Variants in STAB2 observed in about 807,000 individuals in gnomAD.
STAB2 encodes the protein stabilin-2.
STAB2 carries 288 observed loss-of-function variants against 338.1 expected under a neutral mutation model. The ratio of observed to expected loss-of-function variants is 0.85; its 90% CI spans 0.77 to 0.94. STAB2 has a LOEUF of 0.94. Among genes scored for constraint, STAB2 ranks in the 40% least tolerant of loss-of-function variants. The pLI is 0.00. For missense variants in STAB2, 3,141 were observed against 3,210.1 expected, an observed-to-expected ratio of 0.98 and a Z score of 0.52; for synonymous variants, 1,202 against 1,193.3, an observed-to-expected ratio of 1.01 and a Z score of -0.15.
At position 103,695,793 on chromosome 12, in the gene STAB2, AAAC is replaced by A; in HGVS notation, c.3537_3539del (p.Asn1180del). ...CCGATGCCTACACAGTGTTTGCTCC[AAAC>A]AACAATGCCATCGAGAATTACATCA... On this transcript the variant is annotated inframe_deletion, in exon 33 of 69. Transcript: ENST00000388887. 6.2e-7 allele frequency: 1 copy of A among 1,614,210 alleles called. No individual in the cohort carries two copies. Among genetic ancestry groups the A allele is most frequent in the South Asian group, 1.1e-5 (1 of 91,080 alleles).
At chr12:103,591,345 C>A (rs892561576) in intron 2 of STAB2, among the ~76,000 whole-genome samples, 7 of 151,894 alleles carry the variant, frequency 4.6e-5, no homozygotes, top group Non-Finnish European at 8.8e-5. Context: ...ATTAGCCAGG[C>A]CTGGTGGCAC....
chr12:103,695,566 G>C lies in STAB2; in HGVS notation c.3392G>C (p.Arg1131Thr). The change falls in exon 32 of 69, where the codon AGA (arginine) becomes ACA (threonine). Residue 1131 changes from arginine (R) to threonine (T), a missense_variant. Transcript: ENST00000388887. Reference sequence around the variant, plus strand: ...TTTTTTCAGGTGCTGGTCCCACAAAGACGTCTAACTGGCTCCTTACCAAAC... The same window carrying C: ...TTTTTTCAGGTGCTGGTCCCACAAACACGTCTAACTGGCTCCTTACCAAAC... The part of the protein sequence containing the change: ...HIINKVLVPQ[R>T]RLTGSLPNLL... The C allele has an allele frequency of 6.2e-7, 1 of 1,614,186 alleles. No homozygotes were observed. Among genetic ancestry groups the C allele is most frequent in the Non-Finnish European group, 8.5e-7 (1 of 1,180,040 alleles).
chr12:103,605,234 A>G (rs953807444), intron 3 of STAB2, among the ~76,000 whole-genome samples: 1 of 151,974 alleles, frequency 6.6e-6, no homozygotes, highest in African/African-American at 2.4e-5. Context: ...GGTTAAGCTA[A>G]TACCATGCTT....
intron 47 of STAB2, 70 bp from the exon 48 acceptor site, chr12:103,728,779 G>A (rs1049108339): frequency 6.3e-7 from 1 of 1,590,544 alleles, no homozygotes; most frequent in Non-Finnish European, 8.6e-7. Context: ...TGGAGGACAG[G>A]AGAGCCAAAT....
intron 5 of STAB2, among the ~76,000 whole-genome samples, chr12:103,624,709 A>T (rs1428837394): frequency 6.6e-6 from 1 of 152,126 alleles, no homozygotes; most frequent in Non-Finnish European, 1.5e-5. Flanking sequence ...GGGAGGCTAA[A>T]GCTGGATCCG....
intron 1 of STAB2, among the ~76,000 whole-genome samples, chr12:103,590,326 CAG>C (rs1012732407): frequency 5.3e-5 from 8 of 152,172 alleles, no homozygotes; most frequent in African/African-American, 1.2e-4. Flanking sequence ...GTGGACAAAA[CAG>C]AGAAAGATCC....
intron 28 of STAB2, 51 bp from the exon 29 acceptor site, chr12:103,689,795 T>C: frequency 6.3e-7 from 1 of 1,591,810 alleles, no homozygotes; most frequent in Non-Finnish European, 8.6e-7. Flanking sequence ...AAGGCAGCTC[T>C]GTTTGTCCCC....
In STAB2 at chr12:103,759,113, T is replaced by A. The variant is rs1410353140; in HGVS notation, c.7108-20T>A. On this transcript the variant is annotated intron_variant, in intron 64 of 68. Transcript: ENST00000388887. ...TGCTTGGCCTTTGAAGAGCATTCTGTGTTTCTCCTTTTTTCTCAGACCTTG... is the reference window on the plus strand; with the variant it reads ...TGCTTGGCCTTTGAAGAGCATTCTGAGTTTCTCCTTTTTTCTCAGACCTTG... 1.2e-6 allele frequency: 2 copies of A among 1,614,056 alleles called. No homozygotes were observed. The highest frequency in any genetic ancestry group is 2.7e-5 in the African/African-American group (2 of 74,930).
Position 103,675,815 on chromosome 12 carries a change from GGA to G in STAB2, c.2553-111_2553-110del, listed in dbSNP as rs1876289717. 3 of 750,538 alleles carry G rather than the reference GGA, an allele frequency of 4.0e-6. No homozygotes were observed. In the South Asian group the frequency reaches 5.7e-5, roughly 14 times the overall value. 46.5% of individuals were successfully genotyped at this position (750,538 alleles called of 1,614,324 possible). ...CATTTGAGCGCTGGCTTCCTCCACA[GGA>G]GCAAAGGATGGAGCCATTTGGCCAG... On this transcript the variant is annotated intron_variant, in intron 23 of 68. Coordinates refer to ENST00000388887, the MANE Select transcript of STAB2 (RefSeq NM_017564.10).
intron 12 of STAB2, 91 bp downstream of exon 12, chr12:103,652,796 G>A: frequency 7.2e-7 from 1 of 1,382,434 alleles, no homozygotes; most frequent in South Asian, 1.9e-5. Flanking sequence ...TGGGGTTTGT[G>A]AAAAATTACA....
chr12:103,737,828 A>G, intron 53 of STAB2, 48 bp downstream of exon 53: 1 of 1,609,508 alleles, frequency 6.2e-7, no homozygotes, highest in Non-Finnish European at 8.5e-7. Flanking sequence ...AAGCCAAAGA[A>G]TGGCCCTCAT....
rs772496668 is a variant in STAB2 at position 103,695,818 on chromosome 12, A to T, written c.3556A>T (p.Ile1186Phe). The stretch of plus-strand genomic sequence containing the variant: ...AAACAACAATGCCATCGAGAATTAC[A>T]TCAGGGAGAAGAAAGTCTTGTCTCT... ...APNNNAIENY[I>F]REKKVLSLEE... Residue 1186 changes from isoleucine (I) to phenylalanine (F), a missense_variant, in exon 33 of 69, where the codon ATC (isoleucine) becomes TTC (phenylalanine). Transcript: ENST00000388887. 34 of 1,614,096 alleles carry T rather than the reference A, an allele frequency of 2.1e-5. No homozygotes were observed. The highest frequency in any genetic ancestry group is 2.7e-5 in the Non-Finnish European group (32 of 1,180,022).
intron 3 of STAB2, among the ~76,000 whole-genome samples, chr12:103,600,847 G>GTGAA (rs1338364572): frequency 1.6e-3 from 122 of 74,848 alleles, no homozygotes; most frequent in African/African-American, 0.015. Context: ...CTGAAGAACT[G>GTGAA]TGGAACTCCT....
chr12:103,683,143 G>C, intron 25 of STAB2, 62 bp from the exon 26 acceptor site: 1 of 1,459,486 alleles, frequency 6.9e-7, no homozygotes. Flanking sequence ...TGCTGTGTGA[G>C]GGAAAGACAT....
chr12:103,673,840 G>T, intron 22 of STAB2, 67 bp from the exon 23 acceptor site: 1 of 1,531,942 alleles, frequency 6.5e-7, no homozygotes, highest in Non-Finnish European at 8.9e-7. Context: ...GTCCTCCAGG[G>T]TGCTCTGCCT....
intron 3 of STAB2, among the ~76,000 whole-genome samples, chr12:103,609,372 G>A (rs1409494697): frequency 6.6e-6 from 1 of 152,118 alleles, no homozygotes; most frequent in Non-Finnish European, 1.5e-5. Flanking sequence ...TTGAGCAGTG[G>A]TTTGTAGTTC....
chr12:103,612,044 G>C (rs1054211091), intron 3 of STAB2, among the ~76,000 whole-genome samples: 2 of 152,210 alleles, frequency 1.3e-5, no homozygotes, highest in African/African-American at 4.8e-5. Context: ...TAGAGTTTCT[G>C]CTGAGATATC....
chr12:103,660,559 T>G, intron 16 of STAB2, 124 bp from the exon 17 acceptor site: 20 of 1,318,942 alleles, frequency 1.5e-5, no homozygotes, highest in Non-Finnish European at 2.2e-5. Context: ...CAAAAACTCT[T>G]GAGATCAAAA....
chr12:103,618,512 C>T (rs534520958), intron 3 of STAB2, among the ~76,000 whole-genome samples: 1 of 152,282 alleles, frequency 6.6e-6, no homozygotes, highest in Non-Finnish European at 1.5e-5. Flanking sequence ...TCCACGGATG[C>T]TGATTTCACA....
Sources: allele counts gnomAD v4.1 joint callset (sites outside exome capture counted in the v4.1 genomes callset), GRCh38; gene constraint gnomAD v4.1.1; transcripts MANE v1.5; gene names NCBI Gene and HGNC (gene_info 2026-07-23, HGNC 2026-07-21).